The following PCCA variants were observed in gnomAD, a reference collection of about 807,000 sequenced individuals.
PCCA encodes propionyl-CoA carboxylase subunit alpha.
In PCCA, 74 loss-of-function variants were observed where a neutral mutation model predicts 101.3. The ratio of observed to expected loss-of-function variants is 0.73; its 90% CI spans 0.61 to 0.89. PCCA has a LOEUF of 0.89. Among genes scored for constraint, PCCA ranks in the 40% least tolerant of loss-of-function variants. The pLI is 0.00. For missense variants in PCCA, 891 were observed against 907.0 expected, an observed-to-expected ratio of 0.98 and a Z score of 0.23; for synonymous variants, 294 against 313.6, an observed-to-expected ratio of 0.94 and a Z score of 0.66.
At chr13:100,214,730 GT>G (rs561012088) in intron 7 of PCCA, among the ~76,000 whole-genome samples, 16 of 152,106 alleles carry the variant, frequency 1.1e-4, no homozygotes, top group African/African-American at 3.6e-4. Context: ...CTGGCCTATA[GT>G]TTTCATTGTA....
intron 7 of PCCA, among the ~76,000 whole-genome samples, chr13:100,218,029 G>A (rs2059616922): frequency 6.6e-6 from 1 of 150,802 alleles, no homozygotes; most frequent in South Asian, 2.1e-4. Flanking sequence ...GAGCTGAGAT[G>A]GCACCACTGC....
In PCCA at chr13:100,185,302, TTCTG is replaced by T. The variant is rs531093048; in HGVS notation, c.469-24026_469-24023del. Among the ~76,000 whole-genome samples, 112 of 152,152 alleles carry T rather than the reference TTCTG, an allele frequency of 7.4e-4. 1 individual carries two copies. Among genetic ancestry groups the T allele is most frequent in the Admixed American group, 5.9e-4 (9 of 15,272 alleles). ...AATCATATAGTTAAAAAAATTTGCT[TTCTG>T]TCTTTGTTTCTTTCTCTCTTTTTAT... is the stretch of plus-strand genomic sequence containing the variant. On this transcript the variant is annotated intron_variant, in intron 6 of 23. Coordinates refer to ENST00000376285, the MANE Select transcript of PCCA (RefSeq NM_000282.4).
At chr13:100,424,084 A>G (rs1394942628) in intron 19 of PCCA, among the ~76,000 whole-genome samples, 1 of 152,210 alleles carries the variant, frequency 6.6e-6, no homozygotes, top group African/African-American at 2.4e-5. Flanking sequence ...TCTGTACTGA[A>G]TAGGTACTGC....
At position 100,391,572 on chromosome 13, in the gene PCCA, C is replaced by T. The variant is rs150412852; in HGVS notation, c.1746+22998C>T. Reference sequence around the variant, plus strand: ...AAGGCAGCTCTGCATGTCCAGGAGGCCAGGACACAGGGAGGCTAGGCGGAG... The same window carrying T: ...AAGGCAGCTCTGCATGTCCAGGAGGTCAGGACACAGGGAGGCTAGGCGGAG... On this transcript the variant is annotated intron_variant, in intron 19 of 23. Transcript: ENST00000376285. 5.7e-4 allele frequency among the ~76,000 whole-genome samples: 87 copies of T among 152,128 alleles called. 2 individuals carry two copies. In the East Asian group the frequency reaches 0.013, roughly 22 times the overall value.
At chr13:100,389,614 A>G (rs2076703976) in intron 19 of PCCA, among the ~76,000 whole-genome samples, 1 of 152,204 alleles carries the variant, frequency 6.6e-6, no homozygotes, top group African/African-American at 2.4e-5. Context: ...GTATCCCTGA[A>G]TGTAAAATAG....
At chr13:100,491,783 A>G in intron 21 of PCCA, 1 of 1,149,892 alleles carries the variant, frequency 8.7e-7, no homozygotes, top group Non-Finnish European at 1.1e-6. Flanking sequence ...TAACACTTTT[A>G]TTTTAAATCT....
chr13:100,404,726 C>T (rs1243685614), intron 19 of PCCA, among the ~76,000 whole-genome samples: 1 of 152,152 alleles, frequency 6.6e-6, no homozygotes, highest in Non-Finnish European at 1.5e-5. Context: ...ACCGGTGAAG[C>T]AGGGGGCCTA....
intron 19 of PCCA, among the ~76,000 whole-genome samples, chr13:100,402,393 A>G (rs1388990496): frequency 2.0e-5 from 3 of 152,172 alleles, no homozygotes; most frequent in Non-Finnish European, 2.9e-5. Flanking sequence ...AGTTTAAAAC[A>G]TAGTTTTTTA....
intron 4 of PCCA, among the ~76,000 whole-genome samples, chr13:100,137,624 C>A (rs537915762): frequency 6.6e-6 from 1 of 152,162 alleles, no homozygotes; most frequent in African/African-American, 2.4e-5. Flanking sequence ...GCTCTGAAGC[C>A]TACTTTTTCT....
chr13:100,155,173 AT>A lies in PCCA; in HGVS notation c.414+82del. Reference sequence around the variant, plus strand: ...CTAGAGTTTGTATTTAAAAAAAAAAATAGGAAAGAATGATTGAAAATGCTGT... The same window carrying A: ...CTAGAGTTTGTATTTAAAAAAAAAAAAGGAAAGAATGATTGAAAATGCTGT... On this transcript the variant is annotated intron_variant, in intron 5 of 23. Transcript: ENST00000376285. 1.7e-5 allele frequency: 16 copies of A among 935,740 alleles called. No homozygotes were observed. The African/African-American group carries it at 2.0e-4, about 11-fold the overall frequency. The allele number at this position is 935,740 out of a possible 1,614,324, so 58.0% of individuals were successfully genotyped here.
chr13:100,470,316 C>A (rs1596046868), intron 21 of PCCA, among the ~76,000 whole-genome samples: 1 of 152,228 alleles, frequency 6.6e-6, no homozygotes, highest in South Asian at 2.1e-4. Flanking sequence ...GCTTAATCTT[C>A]AAAAACTGGA....
chr13:100,258,187 A>G (rs1284627735), intron 9 of PCCA, among the ~76,000 whole-genome samples: 4 of 152,174 alleles, frequency 2.6e-5, no homozygotes, highest in Non-Finnish European at 4.4e-5. Flanking sequence ...TGTCCTTTAT[A>G]TGGAATGCGC....
At chr13:100,481,530 C>T (rs576122392) in intron 21 of PCCA, among the ~76,000 whole-genome samples, 1 of 152,208 alleles carries the variant, frequency 6.6e-6, no homozygotes, top group East Asian at 1.9e-4. Flanking sequence ...TGCACTCCAG[C>T]CTGGGCGACA....
chr13:100,494,786 T>C (rs1288564702), intron 21 of PCCA, among the ~76,000 whole-genome samples: 1 of 152,144 alleles, frequency 6.6e-6, no homozygotes. Flanking sequence ...TTCCTAACAG[T>C]CCTGTGGCGG....
At chr13:100,308,556 G>A (rs540329850) in intron 15 of PCCA, among the ~76,000 whole-genome samples, 1 of 151,968 alleles carries the variant, frequency 6.6e-6, no homozygotes, top group East Asian at 1.9e-4. Flanking sequence ...GAATACCTGA[G>A]CTCAAGCAAT....
At chr13:100,464,095 A>G (rs912017059) in intron 21 of PCCA, among the ~76,000 whole-genome samples, 5 of 152,250 alleles carry the variant, frequency 3.3e-5, no homozygotes, top group Non-Finnish European at 7.3e-5. Flanking sequence ...AGCACACCTT[A>G]GAGTGAGTGG....
chr13:100,204,313 T>C (rs1016195958), intron 6 of PCCA, among the ~76,000 whole-genome samples: 2 of 152,172 alleles, frequency 1.3e-5, no homozygotes, highest in Non-Finnish European at 2.9e-5. Flanking sequence ...CTAATTTTTA[T>C]ATTTTTTGTA....
At chr13:100,142,755 T>C (rs1406212583) in intron 4 of PCCA, among the ~76,000 whole-genome samples, 2 of 152,206 alleles carry the variant, frequency 1.3e-5, no homozygotes, top group Non-Finnish European at 2.9e-5. Flanking sequence ...ATTACAGGCA[T>C]GAGCCACCAC....
At chr13:100,356,631 C>T (rs933312302) in intron 18 of PCCA, among the ~76,000 whole-genome samples, 3 of 152,062 alleles carry the variant, frequency 2.0e-5, no homozygotes, top group African/African-American at 7.2e-5. Flanking sequence ...TTTATGACTA[C>T]AGTGATATGA....
Sources: allele counts gnomAD v4.1 joint callset (sites outside exome capture counted in the v4.1 genomes callset), GRCh38; gene constraint gnomAD v4.1.1; transcripts MANE v1.5; gene names NCBI Gene and HGNC (gene_info 2026-07-23, HGNC 2026-07-21).